Variants in PDE1A observed in about 807,000 individuals in gnomAD.
PDE1A encodes the protein phosphodiesterase 1A, also known as dual specificity calcium/calmodulin-dependent 3',5'-cyclic nucleotide phosphodiesterase 1A.
In PDE1A, 35 loss-of-function variants were observed where a neutral mutation model predicts 61.7. That is an observed-to-expected ratio of 0.57 (90% CI 0.43 to 0.75). PDE1A has a LOEUF of 0.75. Among genes scored for constraint, PDE1A ranks in the 30% least tolerant of loss-of-function variants. The probability of loss-of-function intolerance (pLI) is 0.00; values close to 1 mark genes in which losing one functional copy is unlikely to be tolerated. For synonymous variants in PDE1A, 232 were observed against 213.2 expected, an observed-to-expected ratio of 1.09 and a Z score of -0.77; for missense variants, 597 against 630.6, an observed-to-expected ratio of 0.95 and a Z score of 0.57.
chr2:182,376,721 G>A (rs1326159925), intron 1 of PDE1A, among the ~76,000 whole-genome samples: 1 of 152,142 alleles, frequency 6.6e-6, no homozygotes, highest in Non-Finnish European at 1.5e-5. Flanking sequence ...TCACACTGCT[G>A]ATAAAGAGAT....
chr2:182,265,711 T>C (rs1411983178), intron 1 of PDE1A, among the ~76,000 whole-genome samples: 1 of 152,182 alleles, frequency 6.6e-6, no homozygotes, highest in African/African-American at 2.4e-5. Context: ...GCAACTTCTA[T>C]GCATTAAATT....
At chr2:182,609,854 G>A in the PDE1A span, among the ~76,000 whole-genome samples, 4 of 152,078 alleles carry the variant, frequency 2.6e-5, no homozygotes, top group East Asian at 1.9e-4. Flanking sequence ...TTGGGAGGCC[G>A]AGGCAGGTGG....
rs866634094 is a variant in PDE1A, at chr2:182,205,817, C to T, written c.902+123G>A. On this transcript the variant is annotated intron_variant, in intron 8 of 13. Transcript: ENST00000351439. The stretch of plus-strand genomic sequence containing the variant: ...CTAATCCTTCTCAGAGTCATCCAGT[C>T]GACAGTAATTAAGTTTGTAATTTGG... The T allele has an allele frequency of 7.1e-5, 56 of 793,704 alleles. No homozygotes were observed. The African/African-American group carries it at 7.3e-4, about 10-fold the overall frequency. 49.2% of individuals were successfully genotyped at this position (793,704 alleles called of 1,614,324 possible). A position where few individuals can be genotyped will look rare whatever the true frequency, so the allele number is the denominator to read the frequency against.
At chr2:182,348,185 T>A (rs1698635983) in intron 1 of PDE1A, among the ~76,000 whole-genome samples, 1 of 152,208 alleles carries the variant, frequency 6.6e-6, no homozygotes, top group South Asian at 2.1e-4. Flanking sequence ...GGATTTGCTT[T>A]ATGTTAATAG....
At chr2:182,376,277 C>G (rs180877948) in intron 1 of PDE1A, among the ~76,000 whole-genome samples, 480 of 152,304 alleles carry the variant, frequency 3.2e-3, no homozygotes, top group African/African-American at 0.011. Context: ...AAATTGAATG[C>G]CTTTAACAGC....
rs750809323 is a variant in PDE1A, at chr2:182,168,226, C to T, written c.*21G>A. On this transcript the variant is annotated 3_prime_UTR_variant, in exon 14 of 14. Coordinates refer to ENST00000351439, the Ensembl canonical transcript of PDE1A. ...GTCAAATTAGAGCTGCCACCATGCA[C>T]GAGGTTTTACTTAAAGGTGTTTACT... 1.7e-5 allele frequency: 26 copies of T among 1,573,872 alleles called. No individual in the cohort carries two copies. The East Asian group carries it at 3.2e-4, about 19-fold the overall frequency.
At chr2:182,281,685 C>A (rs955051074) in intron 1 of PDE1A, among the ~76,000 whole-genome samples, 3 of 151,840 alleles carry the variant, frequency 2.0e-5, no homozygotes, top group African/African-American at 7.2e-5. Flanking sequence ...TCAGTGTGTC[C>A]AAAGAAATCA....
At chr2:182,581,514 T>C in the PDE1A span, among the ~76,000 whole-genome samples, 9 of 152,210 alleles carry the variant, frequency 5.9e-5, no homozygotes, top group Non-Finnish European at 1.0e-4. Flanking sequence ...AAAGGAATAA[T>C]TGGGAGACCT....
chr2:182,405,603 A>C (rs1427550136), intron 1 of PDE1A, among the ~76,000 whole-genome samples: 1 of 152,204 alleles, frequency 6.6e-6, no homozygotes, highest in Non-Finnish European at 1.5e-5. Flanking sequence ...TGCCCTAAAA[A>C]TTTTAAGAAT....
chr2:182,146,990 C>A, downstream of PDE1A: 1 of 830,142 alleles, frequency 1.2e-6, no homozygotes, highest in South Asian at 1.7e-5. Context: ...ATTCTGCAAA[C>A]CATTTACTTT....
the PDE1A span, among the ~76,000 whole-genome samples, chr2:182,609,909 A>G: frequency 0.6 from 91,931 of 151,966 alleles, 28,062 homozygotes; most frequent in Admixed American, 0.71. Flanking sequence ...CCAACATGGC[A>G]AAACCCCATT....
At chr2:182,245,494 C>G (rs986077500) in intron 2 of PDE1A, among the ~76,000 whole-genome samples, 5 of 152,146 alleles carry the variant, frequency 3.3e-5, no homozygotes, top group African/African-American at 1.2e-4. Flanking sequence ...CCCTATACTT[C>G]ATCTATTCAA....
At chr2:182,194,881 TCACACACACA>T (rs55809632) in intron 10 of PDE1A, among the ~76,000 whole-genome samples, 1,985 of 144,932 alleles carry the variant, frequency 0.014, 46 homozygotes, top group African/African-American at 0.047. Context: ...TCTGAAATAT[TCACACACACA>T]CACACACACA....
At chr2:182,285,537 G>A (rs1004485087) in intron 1 of PDE1A, among the ~76,000 whole-genome samples, 5 of 152,214 alleles carry the variant, frequency 3.3e-5, no homozygotes, top group East Asian at 1.9e-4. Context: ...AGGAAGGGAA[G>A]TTGAGAAAAA....
At chr2:182,563,552 T>G in the PDE1A span, among the ~76,000 whole-genome samples, 1 of 152,152 alleles carries the variant, frequency 6.6e-6, no homozygotes. Flanking sequence ...GGTGGAGAGT[T>G]CTGTAGATGT....
At chr2:182,612,474 C>G in the PDE1A span, among the ~76,000 whole-genome samples, 2 of 152,052 alleles carry the variant, frequency 1.3e-5, no homozygotes, top group African/African-American at 4.8e-5. Flanking sequence ...GTTTGAGCAC[C>G]CTAGGCTATG....
At chr2:182,430,907 T>TTGGTGG (rs1445182290), upstream of PDE1A, among the ~76,000 whole-genome samples, 1 of 108,358 alleles carries the variant, frequency 9.2e-6, no homozygotes, top group African/African-American at 3.6e-5. Flanking sequence ...AATTGAACAA[T>TTGGTGG]GAGATCACAT....
chr2:182,466,282 C>T (rs550223338), intron 2 of PDE1A, among the ~76,000 whole-genome samples: 1 of 152,038 alleles, frequency 6.6e-6, no homozygotes, highest in East Asian at 1.9e-4. Flanking sequence ...TAAGAGTTAC[C>T]TTCCCAGGAA....
At chr2:182,330,614 C>T (rs1261681339) in intron 1 of PDE1A, among the ~76,000 whole-genome samples, 2 of 152,158 alleles carry the variant, frequency 1.3e-5, no homozygotes, top group Non-Finnish European at 2.9e-5. Context: ...ACTGTCCCCT[C>T]TGTCGCCCTC....
Sources: gnomAD v4.1 joint callset for allele counts (sites outside exome capture counted in the v4.1 genomes callset) on GRCh38, gnomAD v4.1.1 for gene constraint, MANE v1.5 for transcripts, NCBI Gene and HGNC (gene_info 2026-07-23, HGNC 2026-07-21) for gene names.